Variants in ZFYVE27 observed in about 807,000 individuals in gnomAD.
ZFYVE27 encodes protrudin.
In ZFYVE27, 36 loss-of-function variants were observed where a neutral mutation model predicts 52.8. That is an observed-to-expected ratio of 0.68 (90% CI 0.52 to 0.90). ZFYVE27 has a LOEUF of 0.90. ZFYVE27 is among the 40% of genes least tolerant of loss of function. The pLI, the probability that ZFYVE27 is intolerant of heterozygous loss-of-function variation, is 0.00. For synonymous variants in ZFYVE27, 223 were observed against 215.6 expected, an observed-to-expected ratio of 1.03 and a Z score of -0.30; for missense variants, 450 against 527.2, an observed-to-expected ratio of 0.85 and a Z score of 1.43.
At chr10:97,752,335 C>T (rs72835981) in intron 8 of ZFYVE27, among the ~76,000 whole-genome samples, 386 of 152,340 alleles carry the variant, frequency 2.5e-3, no homozygotes, top group Admixed American at 5.6e-3. Context: ...CTCAATCATA[C>T]ATCAGCCCAG....
intron 10 of ZFYVE27, among the ~76,000 whole-genome samples, chr10:97,754,242 T>C (rs934864835): frequency 9.9e-5 from 15 of 152,074 alleles, no homozygotes; most frequent in African/African-American, 3.6e-4. Flanking sequence ...GCAGTTGTTT[T>C]CTCAGGATTA....
chr10:97,743,007 G>T, intron 2 of ZFYVE27, 87 bp from the exon 3 acceptor site: 2 of 1,438,068 alleles, frequency 1.4e-6, no homozygotes, highest in Non-Finnish European at 2.0e-6. Context: ...TCCTCTTCTG[G>T]TTTGATGTCC....
At chr10:97,753,253 C>A in intron 10 of ZFYVE27, 71 bp downstream of exon 10, 1 of 1,550,562 alleles carries the variant, frequency 6.4e-7, no homozygotes, top group Non-Finnish European at 8.7e-7. Context: ...GTGGGGAACA[C>A]CCAGCCACAG....
chr10:97,752,336 A>G (rs1367985331), intron 8 of ZFYVE27, among the ~76,000 whole-genome samples: 2 of 152,252 alleles, frequency 1.3e-5, no homozygotes, highest in African/African-American at 2.4e-5. Flanking sequence ...TCAATCATAC[A>G]TCAGCCCAGG....
chr10:97,751,882 G>A (rs1280853230), intron 8 of ZFYVE27, among the ~76,000 whole-genome samples: 3 of 152,234 alleles, frequency 2.0e-5, no homozygotes, highest in Non-Finnish European at 2.9e-5. Context: ...GCATGGCCAA[G>A]TGCTAGGTCA....
In ZFYVE27 at chr10:97,753,117, T is replaced by C; in HGVS notation, c.977T>C (p.Val326Ala). The stretch of plus-strand genomic sequence containing the variant: ...AACGGGTTCCTGAGCAAGAATGAGG[T>C]GCTGCGCAGCAAGGTGTCTCGGCTC... ...QDNGFLSKNE[V>A]LRSKVSRLTE... The change falls in exon 10 of 13, where the codon GTG (valine) becomes GCG (alanine). Residue 326 changes from valine to alanine, a missense_variant. Coordinates refer to ENST00000684270, the MANE Select transcript of ZFYVE27 (RefSeq NM_001385875.1). The C allele has an allele frequency of 6.2e-7, 1 of 1,611,870 alleles. No individual in the cohort carries two copies. Among genetic ancestry groups the C allele is most frequent in the Non-Finnish European group, 8.5e-7 (1 of 1,179,352 alleles).
At position 97,757,704 on chromosome 10, in the gene ZFYVE27, G is replaced by A. The variant is rs772802949; in HGVS notation, c.1152G>A (p.Lys384=). 6.2e-7 allele frequency: 1 copy of A among 1,614,246 alleles called. No individual in the cohort carries two copies. The highest frequency in any genetic ancestry group is 8.5e-7 in the Non-Finnish European group (1 of 1,180,038). ...GATGCTGCTCCTTCAAGGTGCCCAA[G>A]TCCTCCATGGGGGCCACAGGTGAGT... The part of the protein sequence containing the change: ...CSRCCSFKVP[K]SSMGATAPEA... Residue 384 remains lysine (K), a synonymous_variant, in exon 12 of 13, where the codon AAG becomes AAA. Coordinates refer to ENST00000684270, the MANE Select transcript of ZFYVE27 (RefSeq NM_001385875.1).
intron 12 of ZFYVE27, among the ~76,000 whole-genome samples, chr10:97,758,616 C>G (rs991439302): frequency 3.3e-5 from 5 of 152,218 alleles, no homozygotes; most frequent in Admixed American, 6.5e-5. Context: ...GCCACCGCCC[C>G]CAGCCCAAGT....
intron 11 of ZFYVE27, 50 bp downstream of exon 11, chr10:97,757,361 T>C (rs771862679): frequency 1.9e-6 from 3 of 1,613,266 alleles, no homozygotes; most frequent in Non-Finnish European, 8.5e-7. Context: ...CTTGGGACTG[T>C]CGGGTGGGGA....
At chr10:97,749,737 C>T in intron 6 of ZFYVE27, 151 bp downstream of exon 6, 2 of 699,590 alleles carry the variant, frequency 2.9e-6, no homozygotes, top group South Asian at 1.6e-5. Flanking sequence ...ATGGGCTCTG[C>T]ATCTCTGAGA....
chr10:97,749,722 C>A, intron 6 of ZFYVE27, 136 bp downstream of exon 6: 2 of 724,340 alleles, frequency 2.8e-6, no homozygotes, highest in Non-Finnish European at 5.0e-6. Context: ...CTGGGGTCCT[C>A]TCTCATGGGC....
chr10:97,738,304 G>T (rs953487540), intron 1 of ZFYVE27, among the ~76,000 whole-genome samples, 173 bp from the exon 2 acceptor site: 1 of 152,164 alleles, frequency 6.6e-6, no homozygotes, highest in African/African-American at 2.4e-5. Context: ...AGTTTTGATG[G>T]ATCTTTGGGG....
chr10:97,753,139 G>A lies in ZFYVE27; in HGVS notation c.999G>A (p.Arg333=). 1 of 1,612,076 alleles carries A rather than the reference G, an allele frequency of 6.2e-7. No homozygotes were observed. Among genetic ancestry groups the A allele is most frequent in the Non-Finnish European group, 8.5e-7 (1 of 1,179,488 alleles). Residue 333 remains arginine, a synonymous_variant, in exon 10 of 13, where the codon CGG becomes CGA. Coordinates refer to ENST00000684270, the MANE Select transcript of ZFYVE27 (RefSeq NM_001385875.1). ...AGGTGCTGCGCAGCAAGGTGTCTCG[G>A]CTCACGGAGCGGCTCCGCAAGCGCT... ...KNEVLRSKVS[R]LTERLRKRYP...
chr10:97,739,593 A>G (rs1011459842), intron 2 of ZFYVE27, among the ~76,000 whole-genome samples: 27 of 152,226 alleles, frequency 1.8e-4, no homozygotes, highest in African/African-American at 5.8e-4. Context: ...AACAAAATTA[A>G]TAACTCCTTG....
rs373820268 is a variant in ZFYVE27, at chr10:97,753,997, A to G, written c.1042+815A>G. Among the ~76,000 whole-genome samples the G allele has an allele frequency of 1.4e-4, 22 of 152,294 alleles. No homozygotes were observed. The East Asian group carries it at 3.5e-3, about 24-fold the overall frequency. ...TCAGCAGCGCTGAGAGCTGAGCCAC[A>G]TACAATTATGGTGGAAACCTAGAGT... On this transcript the variant is annotated intron_variant, in intron 10 of 12. Transcript: ENST00000684270.
chr10:97,748,280 T>C lies in ZFYVE27; in HGVS notation c.467T>C (p.Leu156Pro), dbSNP rs1202455806. ...VAEVKSFLIQ[L>P]EAFLSRLCCT... is the part of the protein sequence containing the mutation. ...CCCTGTGTCTGTAGCTTGATCCAGC[T>C]GGAGGCCTTCCTGAGCCGCCTGTGC... Residue 156 changes from leucine to proline, a missense_variant, in exon 5 of 13, where the codon CTG (leucine) becomes CCG (proline). By Grantham distance (98) the Leu-to-Pro change is moderately conservative. Transcript: ENST00000684270. The C allele has an allele frequency of 1.2e-6, 2 of 1,613,966 alleles. No individual in the cohort carries two copies. The highest frequency in any genetic ancestry group is 1.7e-6 in the Non-Finnish European group (2 of 1,180,034).
intron 2 of ZFYVE27, among the ~76,000 whole-genome samples, chr10:97,741,434 A>C (rs1397973696): frequency 4.6e-5 from 7 of 152,220 alleles, no homozygotes; most frequent in African/African-American, 1.7e-4. Context: ...ATGTGCAGCC[A>C]TGAAAAAGGA....
At chr10:97,756,420 C>T (rs574768621) in intron 10 of ZFYVE27, among the ~76,000 whole-genome samples, 4 of 152,250 alleles carry the variant, frequency 2.6e-5, no homozygotes, top group South Asian at 2.1e-4. Flanking sequence ...CACATGTAGC[C>T]GTCAATAAAG....
chr10:97,753,973 C>T (rs1470418895), intron 10 of ZFYVE27, among the ~76,000 whole-genome samples: 2 of 152,188 alleles, frequency 1.3e-5, no homozygotes, highest in African/African-American at 4.8e-5. Flanking sequence ...TGGCTCAGAT[C>T]AGCAGCGCTG....
Sources: gnomAD v4.1 joint callset for allele counts (sites outside exome capture counted in the v4.1 genomes callset) on GRCh38, gnomAD v4.1.1 for gene constraint, MANE v1.5 for transcripts, NCBI Gene and HGNC (gene_info 2026-07-23, HGNC 2026-07-21) for gene names.